The following ITCH variants were observed in gnomAD, a reference collection of about 807,000 sequenced individuals.
ITCH encodes the protein itchy E3 ubiquitin protein ligase, also known as E3 ubiquitin-protein ligase Itchy homolog.
In ITCH, 28 loss-of-function variants were observed where a neutral mutation model predicts 126.8. The ratio of observed to expected loss-of-function variants is 0.22; its 90% CI spans 0.16 to 0.30. The LOEUF is 0.30. Ranked by LOEUF, ITCH falls within the 10% of genes least tolerant of loss-of-function variation. The probability of loss-of-function intolerance (pLI) is 1.00; values close to 1 mark genes in which losing one functional copy is unlikely to be tolerated. For missense variants in ITCH, 631 were observed against 1,032.4 expected, an observed-to-expected ratio of 0.61 and a Z score of 5.33; for synonymous variants, 342 against 340.0, an observed-to-expected ratio of 1.01 and a Z score of -0.06.
intron 7 of ITCH, among the ~76,000 whole-genome samples, chr20:34,429,395 C>T (rs188016494): frequency 1.9e-4 from 29 of 152,116 alleles, no homozygotes; most frequent in African/African-American, 6.3e-4. Context: ...TAAAATAAAC[C>T]GCCAGTACTA....
At position 34,511,467 on chromosome 20, in the gene ITCH, TTA is replaced by T. The variant is rs1978803407; in HGVS notation, c.*3677_*3678del. ...TCTCCCCGGCCCCACCTTCTGAGAC[TTA>T]TATGTGACCAGGTCACATAGATTTC... On this transcript the variant is annotated 3_prime_UTR_variant, in exon 25 of 25. Coordinates refer to ENST00000374864, the MANE Select transcript of ITCH (RefSeq NM_031483.7). The T allele has an allele frequency of 6.6e-6, 1 of 152,196 alleles. No individual in the cohort carries two copies. Among genetic ancestry groups the T allele is most frequent in the Non-Finnish European group, 1.5e-5 (1 of 68,018 alleles). The allele number at this position is 152,196 out of a possible 1,614,324, so 9.4% of individuals were successfully genotyped here.
intron 7 of ITCH, among the ~76,000 whole-genome samples, chr20:34,425,771 C>T (rs1022962429): frequency 6.6e-5 from 10 of 152,332 alleles, no homozygotes; most frequent in Admixed American, 3.3e-4. Context: ...CACCCTGTTG[C>T]CCTGCCACAC....
intron 7 of ITCH, among the ~76,000 whole-genome samples, chr20:34,435,294 G>A (rs748632669): frequency 1.1e-4 from 17 of 151,772 alleles, no homozygotes; most frequent in Admixed American, 2.0e-4. Context: ...TCAGCCTCCC[G>A]AGTAGCTGGG....
intron 12 of ITCH, among the ~76,000 whole-genome samples, chr20:34,449,807 T>C (rs1357455684): frequency 1.3e-5 from 2 of 152,174 alleles, no homozygotes; most frequent in Non-Finnish European, 2.9e-5. Context: ...AGTAATTTGC[T>C]TGATGAAGAA....
At chr20:34,460,455 A>T (rs1170725250) in intron 13 of ITCH, among the ~76,000 whole-genome samples, 1 of 151,568 alleles carries the variant, frequency 6.6e-6, no homozygotes, top group Non-Finnish European at 1.5e-5. Flanking sequence ...TGATTAAAAG[A>T]TGTCCTGGCA....
intron 2 of ITCH, among the ~76,000 whole-genome samples, chr20:34,374,425 G>T (rs1166211161): frequency 6.6e-6 from 1 of 152,050 alleles, no homozygotes; most frequent in Non-Finnish European, 1.5e-5. Flanking sequence ...CTGTAAATTG[G>T]GAATAGTAAT....
chr20:34,481,239 G>C, intron 20 of ITCH, 33 bp downstream of exon 20: 2 of 1,606,158 alleles, frequency 1.2e-6, no homozygotes, highest in Admixed American at 1.7e-5. Context: ...TTCACTTTTT[G>C]TTTGACTACA....
At chr20:34,432,879 C>T (rs2146257777) in intron 7 of ITCH, among the ~76,000 whole-genome samples, 1 of 152,280 alleles carries the variant, frequency 6.6e-6, no homozygotes, top group South Asian at 2.1e-4. Context: ...ATCTGTGGAA[C>T]CTGGGAGATG....
At chr20:34,482,912 A>G (rs1005093234) in intron 20 of ITCH, among the ~76,000 whole-genome samples, 48 of 152,236 alleles carry the variant, frequency 3.2e-4, no homozygotes, top group African/African-American at 1.1e-3. Flanking sequence ...TCTGAAATCT[A>G]GAGGGAGGTT....
intron 22 of ITCH, among the ~76,000 whole-genome samples, chr20:34,491,048 A>G (rs2146514159): frequency 6.6e-6 from 1 of 152,322 alleles, no homozygotes; most frequent in East Asian, 1.9e-4. Flanking sequence ...GTTACATTGT[A>G]AAGTCACAAC....
At chr20:34,452,714 C>G (rs907139199) in intron 12 of ITCH, among the ~76,000 whole-genome samples, 2 of 152,140 alleles carry the variant, frequency 1.3e-5, no homozygotes, top group Non-Finnish European at 2.9e-5. Context: ...GTTGCCCAGG[C>G]TGGGGTGCAG....
intron 15 of ITCH, among the ~76,000 whole-genome samples, chr20:34,470,380 C>T (rs1378444314): frequency 6.6e-6 from 1 of 151,660 alleles, no homozygotes; most frequent in Non-Finnish European, 1.5e-5. Flanking sequence ...CTCAGGAGTT[C>T]AGGACCAGTC....
At chr20:34,464,910 C>T (rs1294865326) in intron 14 of ITCH, among the ~76,000 whole-genome samples, 1 of 151,994 alleles carries the variant, frequency 6.6e-6, no homozygotes, top group African/African-American at 2.4e-5. Context: ...GGGGTTTCAC[C>T]ATGTTGGTCA....
intron 10 of ITCH, among the ~76,000 whole-genome samples, chr20:34,443,651 G>A (rs986626115): frequency 3.9e-5 from 6 of 152,258 alleles, no homozygotes; most frequent in South Asian, 2.1e-4. Context: ...TATTAAATTA[G>A]CAGATAATAT....
chr20:34,407,865 CT>C (rs750081739), intron 3 of ITCH, among the ~76,000 whole-genome samples: 10 of 152,294 alleles, frequency 6.6e-5, no homozygotes, highest in Non-Finnish European at 1.3e-4. Flanking sequence ...AAGCCAGATC[CT>C]TTTCTTTACT....
At chr20:34,474,643 A>G (rs1179180148) in intron 16 of ITCH, among the ~76,000 whole-genome samples, 2 of 152,136 alleles carry the variant, frequency 1.3e-5, no homozygotes, top group Non-Finnish European at 2.9e-5. Flanking sequence ...CAAAACCGCC[A>G]TTGTCATCAT....
chr20:34,379,903 C>G (rs1457903802), intron 2 of ITCH, among the ~76,000 whole-genome samples: 17 of 141,364 alleles, frequency 1.2e-4, no homozygotes, highest in Admixed American at 7.2e-4. Flanking sequence ...GGCCCCCCCC[C>G]CCCTTTTTTT....
At chr20:34,480,955 G>T in intron 19 of ITCH, 111 bp from the exon 20 acceptor site, 1 of 1,164,706 alleles carries the variant, frequency 8.6e-7, no homozygotes, top group Non-Finnish European at 1.3e-6. Context: ...TTCTTATTTT[G>T]ATGTTATAGC....
intron 3 of ITCH, among the ~76,000 whole-genome samples, chr20:34,408,360 C>T (rs375064294): frequency 6.6e-6 from 1 of 152,158 alleles, no homozygotes; most frequent in Non-Finnish European, 1.5e-5. Context: ...AGGTGTAACC[C>T]GCTGCACCTG....
Sources: gnomAD v4.1 joint callset for allele counts (sites outside exome capture counted in the v4.1 genomes callset) on GRCh38, gnomAD v4.1.1 for gene constraint, MANE v1.5 for transcripts, NCBI Gene and HGNC (gene_info 2026-07-23, HGNC 2026-07-21) for gene names.